SIRT3: variants seen among roughly 807,000 people sequenced by gnomAD.
SIRT3 encodes sirtuin 3.
In SIRT3, 26 loss-of-function variants were observed where a neutral mutation model predicts 33.5. The observed-to-expected ratio is 0.78, with a 90% CI of 0.57 to 1.08. The LOEUF (loss-of-function observed/expected upper bound fraction) is 1.08, where lower values mean the gene tolerates loss of function less well. SIRT3 is among the 50% of genes least tolerant of loss of function. The pLI is 0.00. For missense variants in SIRT3, 585 were observed against 530.1 expected (o/e 1.10, Z -1.02); for synonymous variants, 237 against 222.1 (o/e 1.07, Z -0.60).
chr11:219,387 C>G (rs945592510), intron 5 of SIRT3, among the ~76,000 whole-genome samples: 3 of 152,186 alleles, frequency 2.0e-5, no homozygotes, highest in Non-Finnish European at 4.4e-5. Context: ...CTCGCTGTCT[C>G]CCAGCATGAC....
At chr11:220,663 G>A (rs902874960) in intron 5 of SIRT3, among the ~76,000 whole-genome samples, 1 of 152,224 alleles carries the variant, frequency 6.6e-6, no homozygotes, top group African/African-American at 2.4e-5. Flanking sequence ...TTGTGGCAGT[G>A]TAATTGTTAC....
chr11:235,156 G>A (rs1229630639), intron 1 of SIRT3, among the ~76,000 whole-genome samples: 3 of 152,080 alleles, frequency 2.0e-5, no homozygotes, highest in East Asian at 1.9e-4. Flanking sequence ...GATTACAGGC[G>A]TGAGCTACCG....
At chr11:220,330 CAA>C (rs55855156) in intron 5 of SIRT3, among the ~76,000 whole-genome samples, 142 of 87,038 alleles carry the variant, frequency 1.6e-3, no homozygotes, top group South Asian at 7.0e-3. Flanking sequence ...GACTCTGTCT[CAA>C]AAAAAAAAAA....
In SIRT3 at chr11:215,105, G is replaced by A. The variant is rs1855522173; in HGVS notation, c.*1593C>T. On this transcript the variant is annotated 3_prime_UTR_variant, in exon 7 of 7. Transcript: ENST00000382743. Reference sequence around the variant, plus strand: ...TCATCTTGAAATAAAGAAGAGTTTTGGACAAAAATGTATGTGTAAATTATC... The same window carrying A: ...TCATCTTGAAATAAAGAAGAGTTTTAGACAAAAATGTATGTGTAAATTATC... 1 of 154,320 alleles carries A rather than the reference G, an allele frequency of 6.5e-6. No homozygotes were observed. Among genetic ancestry groups the A allele is most frequent in the Non-Finnish European group, 1.4e-5 (1 of 69,452 alleles). 9.6% of individuals were successfully genotyped at this position (154,320 alleles called of 1,614,324 possible). A position where few individuals can be genotyped will look rare whatever the true frequency, so the allele number is the denominator to read the frequency against.
At chr11:225,215 T>C (rs1406469380) in intron 4 of SIRT3, among the ~76,000 whole-genome samples, 1 of 152,044 alleles carries the variant, frequency 6.6e-6, no homozygotes, top group African/African-American at 2.4e-5. Flanking sequence ...AGATCGAGAC[T>C]GTCTTGGCCA....
At chr11:233,713 A>C in intron 1 of SIRT3, 179 bp from the exon 2 acceptor site, 1 of 625,154 alleles carries the variant, frequency 1.6e-6, no homozygotes. Context: ...AACAAAAAGC[A>C]GTCATAAATC....
intron 5 of SIRT3, among the ~76,000 whole-genome samples, chr11:219,396 ACG>A (rs1195706226): frequency 6.6e-6 from 1 of 152,104 alleles, no homozygotes; most frequent in African/African-American, 2.4e-5. Context: ...TCCCAGCATG[ACG>A]CAGAGGGACA....
At chr11:231,276 A>G (rs1013014872) in intron 3 of SIRT3, among the ~76,000 whole-genome samples, 1 of 152,124 alleles carries the variant, frequency 6.6e-6, no homozygotes, top group African/African-American at 2.4e-5. Flanking sequence ...TGTCTTAAAA[A>G]ATTTTTTTAA....
intron 3 of SIRT3, among the ~76,000 whole-genome samples, 200 bp downstream of exon 3, chr11:232,783 T>C (rs995499229): frequency 6.6e-6 from 1 of 152,136 alleles, no homozygotes; most frequent in Non-Finnish European, 1.5e-5. Context: ...CAGAGGACAT[T>C]TTCCTTGGGA....
At chr11:236,373 G>GCGCCCCGACCGCGC, upstream of SIRT3, 1 of 1,182,560 alleles carries the variant, frequency 8.5e-7, no homozygotes, top group Non-Finnish European at 1.0e-6. Flanking sequence ...CCCGCCCCCG[G>GCGCCCCGACCGCGC]CGCCCCGGCC....
intron 6 of SIRT3, among the ~76,000 whole-genome samples, chr11:217,256 CCTGA>C (rs1855784201): frequency 6.6e-6 from 1 of 152,118 alleles, no homozygotes; most frequent in Non-Finnish European, 1.5e-5. Context: ...TTGAGACCAG[CCTGA>C]CTAACATGAT....
intron 6 of SIRT3, among the ~76,000 whole-genome samples, chr11:218,281 A>T (rs889835679): frequency 1.6e-4 from 25 of 152,186 alleles, no homozygotes; most frequent in African/African-American, 5.8e-4. Flanking sequence ...ATGCTACATG[A>T]TTCTTATGGG....
upstream of SIRT3, chr11:236,920 C>T (rs1383795064): frequency 1.3e-6 from 1 of 765,540 alleles, no homozygotes; most frequent in African/African-American, 1.8e-5. Context: ...GGGCCCGCCC[C>T]CGGCCTGCTA....
chr11:221,809 AC>A (rs1425730306), intron 5 of SIRT3, among the ~76,000 whole-genome samples: 2 of 152,230 alleles, frequency 1.3e-5, no homozygotes, highest in African/African-American at 4.8e-5. Context: ...TCACATTGTT[AC>A]GTGAAAACAG....
intron 4 of SIRT3, among the ~76,000 whole-genome samples, chr11:227,312 C>T (rs975458235): frequency 6.6e-6 from 1 of 151,458 alleles, no homozygotes; most frequent in African/African-American, 2.4e-5. Flanking sequence ...GTGGCGCATG[C>T]CTGCAATCCC....
At chr11:218,108 T>C (rs1482136798) in intron 6 of SIRT3, among the ~76,000 whole-genome samples, 5 of 152,180 alleles carry the variant, frequency 3.3e-5, no homozygotes, top group Admixed American at 1.3e-4. Flanking sequence ...CCTTTATAAA[T>C]TACCCAGTCT....
chr11:220,101 G>A lies in SIRT3; in HGVS notation c.970-1060C>T, dbSNP rs558497214. ...TCCCAGCACTTTGGGAGGCCGAGGC[G>A]GGCAGATCAGCTGAGGTCAGGAGTT... On this transcript the variant is annotated intron_variant, in intron 5 of 6. Transcript: ENST00000382743. Among the ~76,000 whole-genome samples, 664 of 152,014 alleles carry A rather than the reference G, an allele frequency of 4.4e-3. 6 individuals are homozygous for A. Among genetic ancestry groups the A allele is most frequent in the African/African-American group, 0.015 (615 of 41,484 alleles).
At chr11:229,045 T>G (rs886172045) in intron 4 of SIRT3, among the ~76,000 whole-genome samples, 2 of 152,228 alleles carry the variant, frequency 1.3e-5, no homozygotes, top group African/African-American at 4.8e-5. Context: ...GGGATAGCTG[T>G]AATTAAAAAA....
chr11:232,187 G>A (rs892194285), intron 3 of SIRT3, among the ~76,000 whole-genome samples: 9 of 151,812 alleles, frequency 5.9e-5, no homozygotes, highest in Non-Finnish European at 1.3e-4. Context: ...GCACGATCTC[G>A]GCTCACTGCA....
Sources: gnomAD v4.1 joint callset for allele counts (sites outside exome capture counted in the v4.1 genomes callset) on GRCh38, gnomAD v4.1.1 for gene constraint, MANE v1.5 for transcripts, NCBI Gene and HGNC (gene_info 2026-07-23, HGNC 2026-07-21) for gene names.